The following HIP1 variants were observed in gnomAD, a reference collection of about 807,000 sequenced individuals.
HIP1 encodes the protein huntingtin interacting protein 1, also known as huntingtin-interacting protein 1.
In HIP1, 65 loss-of-function variants were observed where a neutral mutation model predicts 147.6. That is an observed-to-expected ratio of 0.44 (90% CI 0.36 to 0.54). The LOEUF is 0.54. HIP1 is among the 20% of genes least tolerant of loss of function. HIP1 has a pLI of 0.00. For synonymous variants in HIP1, 479 were observed against 504.0 expected (o/e 0.95, Z 0.67); for missense variants, 1,061 against 1,299.6 (o/e 0.82, Z 2.82).
intron 1 of HIP1, among the ~76,000 whole-genome samples, chr7:75,702,293 A>T (rs1288580716): frequency 6.6e-6 from 1 of 152,110 alleles, no homozygotes; most frequent in Non-Finnish European, 1.5e-5. Flanking sequence ...GTATTTTTGT[A>T]GAAATGGGGT....
rs1554509801 is a variant in HIP1 at position 75,637,243 on chromosome 7, G to C, written c.121-37996C>G. Among the ~76,000 whole-genome samples the C allele has an allele frequency of 2.0e-5, 3 of 152,208 alleles. No individual in the cohort carries two copies. The East Asian group carries it at 5.8e-4, about 29-fold the overall frequency. ...CCAGCACTTGCTATAGAAATTATGA[G>C]AATTAAATAAATGCTGTTGATTAAT... On this transcript the variant is annotated intron_variant, in intron 1 of 30. Transcript: ENST00000336926.
rs1173570453 is a variant in HIP1 at position 75,603,874 on chromosome 7, CA to C, written c.121-4628del. On this transcript the variant is annotated intron_variant, in intron 1 of 30. Coordinates refer to ENST00000336926, the MANE Select transcript of HIP1 (RefSeq NM_005338.7). ...GGGCAACAGAGCAAAAACCCTGTCT[CA>C]AAAAAAAGGAAAAAAAAAAAGATGC... Among the ~76,000 whole-genome samples, 54 of 146,982 alleles carry C rather than the reference CA, an allele frequency of 3.7e-4. No homozygotes were observed. In the East Asian group the frequency reaches 5.4e-3, roughly 15 times the overall value.
chr7:75,633,355 C>T (rs782766676), intron 1 of HIP1, among the ~76,000 whole-genome samples: 41 of 152,004 alleles, frequency 2.7e-4, no homozygotes, highest in Non-Finnish European at 4.4e-4. Context: ...TGCAGTGGTG[C>T]GATCTCAGCT....
At chr7:75,719,304 A>G (rs1801423848) in intron 1 of HIP1, among the ~76,000 whole-genome samples, 1 of 152,070 alleles carries the variant, frequency 6.6e-6, no homozygotes, top group Admixed American at 6.6e-5. Flanking sequence ...GGAGATCAAA[A>G]CCATCCTGGC....
intron 2 of HIP1, among the ~76,000 whole-genome samples, chr7:75,594,060 T>C (rs919984790): frequency 4.0e-5 from 6 of 151,844 alleles, no homozygotes; most frequent in Non-Finnish European, 8.8e-5. Context: ...GGCGGGCGGA[T>C]CACCTGAGGT....
intron 8 of HIP1, among the ~76,000 whole-genome samples, chr7:75,569,919 C>A (rs1795547986): frequency 6.6e-6 from 1 of 151,314 alleles, no homozygotes; most frequent in Non-Finnish European, 1.5e-5. Flanking sequence ...AAAACTGTGA[C>A]AATCTGAATA....
intron 1 of HIP1, among the ~76,000 whole-genome samples, chr7:75,646,379 G>A (rs1317576340): frequency 2.0e-5 from 3 of 152,298 alleles, no homozygotes; most frequent in Admixed American, 6.5e-5. Flanking sequence ...GAGCCACCTC[G>A]CCTGGCCACA....
intron 4 of HIP1, among the ~76,000 whole-genome samples, chr7:75,588,933 C>T (rs1796378081): frequency 6.6e-6 from 1 of 152,106 alleles, no homozygotes; most frequent in Non-Finnish European, 1.5e-5. Flanking sequence ...ATTGGATCAC[C>T]TGAGGTTAGG....
chr7:75,615,102 C>G (rs374055920), intron 1 of HIP1, among the ~76,000 whole-genome samples: 4 of 151,922 alleles, frequency 2.6e-5, no homozygotes, highest in African/African-American at 9.7e-5. Flanking sequence ...ATACCTACTA[C>G]ACGCAGGGCA....
At chr7:75,630,020 T>C (rs1798161428) in intron 1 of HIP1, among the ~76,000 whole-genome samples, 1 of 152,122 alleles carries the variant, frequency 6.6e-6, no homozygotes, top group African/African-American at 2.4e-5. Context: ...TTGCTGGGCA[T>C]GGTGGCATGC....
chr7:75,662,819 C>T lies in HIP1; in HGVS notation c.121-63572G>A, dbSNP rs189149508. On this transcript the variant is annotated intron_variant, in intron 1 of 30. Transcript: ENST00000336926. ...AGAGGTTTTTAAAGGTTAGAGGACA[C>T]GAGGGCCTGTTTTTAAGCTGAGAGG... Among the ~76,000 whole-genome samples, 36 of 152,096 alleles carry T rather than the reference C, an allele frequency of 2.4e-4. No homozygotes were observed. In the East Asian group the frequency reaches 3.5e-3, roughly 15 times the overall value.
At chr7:75,618,861 T>C (rs1248197827) in intron 1 of HIP1, among the ~76,000 whole-genome samples, 3 of 151,926 alleles carry the variant, frequency 2.0e-5, no homozygotes, top group East Asian at 3.9e-4. Context: ...CTTTTTTTTT[T>C]CTTCCAAGTT....
At chr7:75,731,780 C>T (rs1321789870) in intron 1 of HIP1, among the ~76,000 whole-genome samples, 2 of 152,098 alleles carry the variant, frequency 1.3e-5, no homozygotes, top group Non-Finnish European at 2.9e-5. Flanking sequence ...CCAACTGAGC[C>T]ACCCAAAGTC....
At chr7:75,597,401 G>A (rs587764616) in intron 2 of HIP1, among the ~76,000 whole-genome samples, 1 of 152,288 alleles carries the variant, frequency 6.6e-6, no homozygotes, top group South Asian at 2.1e-4. Flanking sequence ...CCCAGGTGAG[G>A]AGAAGCTTCC....
chr7:75,540,978 A>C (rs1348027509), intron 29 of HIP1, among the ~76,000 whole-genome samples: 2 of 152,112 alleles, frequency 1.3e-5, no homozygotes, highest in African/African-American at 4.8e-5. Context: ...TAAGAGTCTG[A>C]TCTTGGCTGG....
chr7:75,586,924 CTTCT>C, intron 4 of HIP1, 91 bp from the exon 5 acceptor site: 2 of 812,448 alleles, frequency 2.5e-6, no homozygotes, highest in South Asian at 1.4e-5. Context: ...AAGAATCTAT[CTTCT>C]TTGTTTTCTC....
chr7:75,650,412 C>T (rs930579444), intron 1 of HIP1, among the ~76,000 whole-genome samples: 7 of 151,060 alleles, frequency 4.6e-5, no homozygotes, highest in Admixed American at 3.3e-4. Flanking sequence ...ACTGCTTCTC[C>T]GCTGGAGGAC....
chr7:75,737,782 AC>A (rs3214189), intron 1 of HIP1, among the ~76,000 whole-genome samples: 19,331 of 152,158 alleles, frequency 0.13, 1,869 homozygotes, highest in East Asian at 0.46. Context: ...ACATCAGGGG[AC>A]CAGCCTCTGG....
In HIP1 at chr7:75,553,796, GT is replaced by G. The variant is rs1204743528; in HGVS notation, c.2159-208del. 4.6e-5 allele frequency among the ~76,000 whole-genome samples: 7 copies of G among 152,290 alleles called. No homozygotes were observed. The East Asian group carries it at 1.2e-3, about 25-fold the overall frequency. On this transcript the variant is annotated intron_variant, in intron 21 of 30. Transcript: ENST00000336926. Reference sequence around the variant, plus strand: ...TTTTTGTATTTTTAGTAGAGACGGGGTTTCGCCATGTTGGCCAGGCTGGTCT... The same window carrying G: ...TTTTTGTATTTTTAGTAGAGACGGGGTTCGCCATGTTGGCCAGGCTGGTCT...
Sources: gnomAD v4.1 joint callset for allele counts (sites outside exome capture counted in the v4.1 genomes callset) on GRCh38, gnomAD v4.1.1 for gene constraint, MANE v1.5 for transcripts, NCBI Gene and HGNC (gene_info 2026-07-23, HGNC 2026-07-21) for gene names.